The following BAG3 variants were observed in gnomAD, a reference collection of about 807,000 sequenced individuals.
BAG3 encodes the protein BAG family molecular chaperone regulator 3.
BAG3 carries 14 observed loss-of-function variants against 40.5 expected under a neutral mutation model. That is an observed-to-expected ratio of 0.35 (90% CI 0.23 to 0.54). BAG3 has a LOEUF of 0.54. Ranked by LOEUF, BAG3 falls within the 20% of genes least tolerant of loss-of-function variation. The pLI, the probability that BAG3 is intolerant of heterozygous loss-of-function variation, is 0.91. For missense variants in BAG3, 788 were observed against 758.6 expected (o/e 1.04, Z -0.46); for synonymous variants, 302 against 307.8 (o/e 0.98, Z 0.20).
At chr10:119,658,775 T>G (rs1846951909) in intron 1 of BAG3, among the ~76,000 whole-genome samples, 1 of 152,164 alleles carries the variant, frequency 6.6e-6, no homozygotes, top group African/African-American at 2.4e-5. Context: ...TCCCGTTGTG[T>G]GAAGTGGGCA....
chr10:119,669,855 C>T lies in BAG3; in HGVS notation c.185C>T (p.Thr62Ile), dbSNP rs1847119419. The change falls in exon 2 of 4, where the codon ACT becomes ATT. Residue 62 changes from threonine to isoleucine, a missense_variant. Physicochemically the swap from Thr to Ile is moderately conservative, Grantham distance 89 (BLOSUM62 -1). Transcript: ENST00000369085. ...PRVPSEGPKETPSSANGPSRE... is the reference protein window; with the variant it reads ...PRVPSEGPKEIPSSANGPSRE... ...TTTCTCCACTTTTTATTTCAGGAGA[C>T]TCCATCCTCTGCCAATGGCCCTTCC... 1 of 1,614,164 alleles carries T rather than the reference C, an allele frequency of 6.2e-7. No individual in the cohort carries two copies. The highest frequency in any genetic ancestry group is 8.5e-7 in the Non-Finnish European group (1 of 1,180,008).
At position 119,676,913 on chromosome 10, in the gene BAG3, G is replaced by A; in HGVS notation, c.1359G>A (p.Met453Ile). ...AGAAGACTGACAAAAAGTACCTGAT[G>A]ATCGAAGAGTATTTGACCAAAGAGC... ...EGKKTDKKYL[M>I]IEEYLTKELL... The change falls in exon 4 of 4, where the codon ATG (methionine) becomes ATA (isoleucine). Residue 453 changes from methionine to isoleucine, a missense_variant. Coordinates refer to ENST00000369085, the MANE Select transcript of BAG3 (RefSeq NM_004281.4). 6.2e-7 allele frequency: 1 copy of A among 1,614,216 alleles called. No individual in the cohort carries two copies. Among genetic ancestry groups the A allele is most frequent in the Non-Finnish European group, 8.5e-7 (1 of 1,180,046 alleles).
intron 1 of BAG3, among the ~76,000 whole-genome samples, chr10:119,663,421 A>C (rs145764545): frequency 1.5e-4 from 23 of 152,060 alleles, no homozygotes; most frequent in Non-Finnish European, 2.4e-4. Flanking sequence ...TGCATCATCA[A>C]CTTCCTAAGC....
At chr10:119,660,724 G>A (rs1846981268) in intron 1 of BAG3, among the ~76,000 whole-genome samples, 1 of 151,992 alleles carries the variant, frequency 6.6e-6, no homozygotes, top group Non-Finnish European at 1.5e-5. Flanking sequence ...AAAGAATTAG[G>A]CTTTGTAAAC....
At chr10:119,663,787 C>T (rs1198139770) in intron 1 of BAG3, among the ~76,000 whole-genome samples, 4 of 152,114 alleles carry the variant, frequency 2.6e-5, no homozygotes, top group African/African-American at 7.2e-5. Flanking sequence ...AATCAGGCCA[C>T]GCAGAGTGTC....
At chr10:119,667,733 C>T (rs1052826097) in intron 1 of BAG3, among the ~76,000 whole-genome samples, 2 of 152,202 alleles carry the variant, frequency 1.3e-5, no homozygotes, top group Non-Finnish European at 2.9e-5. Flanking sequence ...GGATGTTCCC[C>T]CAGGTGGTGG....
Position 119,651,418 on chromosome 10 carries a change from G to T in BAG3, c.-258G>T, listed in dbSNP as rs1173171802. On this transcript the variant is annotated 5_prime_UTR_variant, in exon 1 of 4. Coordinates refer to ENST00000369085, the MANE Select transcript of BAG3 (RefSeq NM_004281.4). The stretch of plus-strand genomic sequence containing the variant: ...GGCCGCGGCCAACTTCTCTGGACTG[G>T]ACCAGAAGTTTCTAGCCGGCCAGTT... 1 of 389,160 alleles carries T rather than the reference G, an allele frequency of 2.6e-6. No individual in the cohort carries two copies. The highest frequency in any genetic ancestry group is 4.5e-6 in the Non-Finnish European group (1 of 221,692). 24.1% of individuals were successfully genotyped at this position (389,160 alleles called of 1,614,324 possible). A position where few individuals can be genotyped will look rare whatever the true frequency, so the allele number is the denominator to read the frequency against.
Position 119,651,745 on chromosome 10 carries a change from C to T in BAG3, c.70C>T (p.Pro24Ser), listed in dbSNP as rs2134050540. 3 of 1,599,744 alleles carry T rather than the reference C, an allele frequency of 1.9e-6. No homozygotes were observed. Among genetic ancestry groups the T allele is most frequent in the Non-Finnish European group, 2.6e-6 (3 of 1,173,686 alleles). The change falls in exon 1 of 4, where the codon CCC (proline) becomes TCC (serine). Residue 24 changes from proline (P) to serine (S), a missense_variant. Physicochemically the swap from Pro to Ser is moderately conservative, Grantham distance 74. Coordinates refer to ENST00000369085, the MANE Select transcript of BAG3 (RefSeq NM_004281.4). ...CAACGGTGACCGCGACCCTTTGCCC[C>T]CCGGATGGGAGATCAAGATCGACCC... is the stretch of plus-strand genomic sequence containing the variant. ...SGNGDRDPLP[P>S]GWEIKIDPQT...
At chr10:119,670,263 T>C (rs1847131040) in intron 2 of BAG3, 86 bp downstream of exon 2, 4 of 1,414,132 alleles carry the variant, frequency 2.8e-6, no homozygotes, top group East Asian at 2.4e-5. Flanking sequence ...GACAGTGCCC[T>C]GGGCCAGGCA....
intron 1 of BAG3, among the ~76,000 whole-genome samples, chr10:119,658,647 A>G (rs1846948606): frequency 6.6e-6 from 1 of 152,220 alleles, no homozygotes; most frequent in Non-Finnish European, 1.5e-5. Context: ...GGATGTTATC[A>G]CAGTGTACAG....
intron 3 of BAG3, among the ~76,000 whole-genome samples, chr10:119,675,222 AATC>A (rs1259225444): frequency 5.3e-5 from 8 of 152,066 alleles, no homozygotes; most frequent in African/African-American, 1.9e-4. Context: ...AGTTGCAACT[AATC>A]ATGAAGCTAA....
intron 1 of BAG3, among the ~76,000 whole-genome samples, chr10:119,654,293 T>G (rs1262654072): frequency 6.6e-6 from 1 of 152,196 alleles, no homozygotes; most frequent in Non-Finnish European, 1.5e-5. Flanking sequence ...CGTCTGAGCA[T>G]CATCATCTTC....
intron 1 of BAG3, 74 bp downstream of exon 1, chr10:119,651,929 G>T: frequency 1.6e-6 from 2 of 1,215,616 alleles, no homozygotes; most frequent in African/African-American, 1.6e-5. Flanking sequence ...GGGCTGGGCC[G>T]GGGGGACGCG....
chr10:119,671,941 G>T (rs533325301), intron 2 of BAG3, among the ~76,000 whole-genome samples: 1 of 151,976 alleles, frequency 6.6e-6, no homozygotes, highest in African/African-American at 2.4e-5. Flanking sequence ...GGCATGCGCC[G>T]CCACACCCAG....
chr10:119,672,598 G>T lies in BAG3; in HGVS notation c.851G>T (p.Ser284Ile). ...CGGGAGGGCTCACCAGCCAGGAGCA[G>T]CACGCCACTCCACTCCCCCTCGCCC... is the stretch of plus-strand genomic sequence containing the variant. ...SSREGSPARSSTPLHSPSPIR... is the reference protein window; with the variant it reads ...SSREGSPARSITPLHSPSPIR... Residue 284 changes from serine to isoleucine, a missense_variant, in exon 3 of 4, where the codon AGC becomes ATC. By Grantham distance (142) the Ser-to-Ile change is moderately radical. Transcript: ENST00000369085. The surrounding 1 kb of genome is among the most constrained non-coding windows in gnomAD (Gnocchi z 4.8). 6.2e-7 allele frequency: 1 copy of T among 1,614,132 alleles called. No individual in the cohort carries two copies. Among genetic ancestry groups the T allele is most frequent in the Non-Finnish European group, 8.5e-7 (1 of 1,180,036 alleles).
Position 119,669,875 on chromosome 10 carries a change from C to G in BAG3, c.205C>G (p.Pro69Ala). 1 of 1,614,210 alleles carries G rather than the reference C, an allele frequency of 6.2e-7. No homozygotes were observed. Among genetic ancestry groups the G allele is most frequent in the South Asian group, 1.1e-5 (1 of 91,088 alleles). The change falls in exon 2 of 4, where the codon CCT (proline) becomes GCT (alanine). Residue 69 changes from proline (P) to alanine (A), a missense_variant. Transcript: ENST00000369085. ...GGAGACTCCATCCTCTGCCAATGGC[C>G]CTTCCCGGGAGGGCTCTAGGCTGCC... is the stretch of plus-strand genomic sequence containing the variant. The part of the protein sequence containing the change: ...PKETPSSANG[P>A]SREGSRLPPA...
chr10:119,668,424 G>A (rs113428653), intron 1 of BAG3, among the ~76,000 whole-genome samples: 457 of 152,350 alleles, frequency 3.0e-3, no homozygotes, highest in African/African-American at 0.01. Context: ...GCGTTTGTTC[G>A]CCGTGCAGAC....
chr10:119,653,213 A>G (rs1846867918), intron 1 of BAG3, among the ~76,000 whole-genome samples: 1 of 152,214 alleles, frequency 6.6e-6, no homozygotes, highest in Non-Finnish European at 1.5e-5. Context: ...TTTATTCTTG[A>G]AAATTAGTAC....
intron 3 of BAG3, among the ~76,000 whole-genome samples, chr10:119,673,527 A>G (rs1041278180): frequency 3.9e-5 from 6 of 152,208 alleles, no homozygotes; most frequent in Non-Finnish European, 8.8e-5. Flanking sequence ...TAAGCAGCTC[A>G]CAGCTTAGCA....
Sources: gnomAD v4.1 joint callset for allele counts (sites outside exome capture counted in the v4.1 genomes callset) on GRCh38, gnomAD v4.1.1 for gene constraint, Gnocchi (gnomAD v3.1) non-coding constraint, MANE v1.5 for transcripts, NCBI Gene and HGNC (gene_info 2026-07-23, HGNC 2026-07-21) for gene names.